Variants in ESYT2 observed in about 807,000 individuals in gnomAD.
ESYT2 encodes the protein extended synaptotagmin-2.
In ESYT2, 54 loss-of-function variants were observed where a neutral mutation model predicts 107.2. The observed-to-expected ratio is 0.50, with a 90% CI of 0.40 to 0.63. The LOEUF (loss-of-function observed/expected upper bound fraction) is 0.63. Ranked by LOEUF, ESYT2 falls within the 30% of genes least tolerant of loss-of-function variation. The probability of loss-of-function intolerance (pLI) is 0.00; values close to 1 mark genes in which losing one functional copy is unlikely to be tolerated. For missense variants in ESYT2, 1,020 were observed against 1,094.5 expected (o/e 0.93, Z 0.96); for synonymous variants, 491 against 434.1 (o/e 1.13, Z -1.63).
chr7:158,746,495 G>T (rs1015431058), intron 16 of ESYT2, among the ~76,000 whole-genome samples: 1 of 148,546 alleles, frequency 6.7e-6, no homozygotes, highest in African/African-American at 2.5e-5. Flanking sequence ...GAGTGACAAA[G>T]TGAGACCCTG....
At chr7:158,736,837 G>A (rs548611712) in intron 20 of ESYT2, among the ~76,000 whole-genome samples, 1 of 152,280 alleles carries the variant, frequency 6.6e-6, no homozygotes, top group South Asian at 2.1e-4. Flanking sequence ...TGTCCACAGG[G>A]TTGTAACTTG....
At chr7:158,814,230 C>T (rs1369072155) in intron 1 of ESYT2, among the ~76,000 whole-genome samples, 2 of 149,144 alleles carry the variant, frequency 1.3e-5, no homozygotes, top group East Asian at 2.0e-4. Flanking sequence ...GCCAAGATCG[C>T]GCCACTGCAC....
chr7:158,829,079 C>G lies in ESYT2; in HGVS notation c.330+10G>C. The G allele has an allele frequency of 6.3e-7, 1 of 1,583,734 alleles. No homozygotes were observed. Among genetic ancestry groups the G allele is most frequent in the South Asian group, 1.1e-5 (1 of 89,760 alleles). On this transcript the variant is annotated intron_variant, in intron 1 of 22. Coordinates refer to ENST00000275418, the MANE Select transcript of ESYT2 (RefSeq NM_001367773.1). ...GTCAGGGGTCGGGACGGGCAGGGGT[C>G]TGCACTCACCCAGGCGGGCAGGTCG...
intron 1 of ESYT2, among the ~76,000 whole-genome samples, chr7:158,817,631 T>C (rs1419493045): frequency 9.5e-6 from 1 of 105,196 alleles, no homozygotes; most frequent in African/African-American, 3.1e-5. Flanking sequence ...ATGTATTGAT[T>C]GGTGTCTTAT....
chr7:158,753,492 C>A (rs1040990156), intron 13 of ESYT2, among the ~76,000 whole-genome samples: 1 of 151,970 alleles, frequency 6.6e-6, no homozygotes, highest in Non-Finnish European at 1.5e-5. Context: ...AAAGGCAAGA[C>A]TGAGTTGTTT....
At chr7:158,804,702 G>GT (rs1166020316) in intron 1 of ESYT2, among the ~76,000 whole-genome samples, 1 of 151,510 alleles carries the variant, frequency 6.6e-6, no homozygotes, top group Non-Finnish European at 1.5e-5. Flanking sequence ...GGTGAGGCGC[G>GT]TGACAAACCC....
At chr7:158,815,076 T>G (rs779482188) in intron 1 of ESYT2, among the ~76,000 whole-genome samples, 1 of 152,198 alleles carries the variant, frequency 6.6e-6, no homozygotes, top group Non-Finnish European at 1.5e-5. Flanking sequence ...GAGGTTTAAA[T>G]GACTTCCATG....
chr7:158,821,514 AC>A (rs1840284825), intron 1 of ESYT2, among the ~76,000 whole-genome samples: 2 of 152,136 alleles, frequency 1.3e-5, no homozygotes, highest in South Asian at 4.1e-4. Context: ...CACTACTTTC[AC>A]CCCCATCATG....
chr7:158,799,263 C>G (rs542864665), intron 1 of ESYT2, among the ~76,000 whole-genome samples, 191 bp from the exon 2 acceptor site: 11 of 152,284 alleles, frequency 7.2e-5, no homozygotes, highest in African/African-American at 2.6e-4. Flanking sequence ...CAGCTCTTTA[C>G]GTTCTGAGAA....
intron 16 of ESYT2, among the ~76,000 whole-genome samples, chr7:158,745,444 C>T (rs987972296): frequency 2.0e-5 from 3 of 150,244 alleles, no homozygotes; most frequent in Non-Finnish European, 4.4e-5. Context: ...TATAAGTAGT[C>T]TGAGAACTAG....
intron 1 of ESYT2, among the ~76,000 whole-genome samples, chr7:158,802,794 G>A (rs1839683592): frequency 6.6e-6 from 1 of 152,188 alleles, no homozygotes; most frequent in Non-Finnish European, 1.5e-5. Flanking sequence ...CTGAGGCATT[G>A]CTGATTTAAT....
intron 6 of ESYT2, among the ~76,000 whole-genome samples, chr7:158,782,582 G>A: frequency 1.1e-5 from 1 of 88,300 alleles, no homozygotes; most frequent in South Asian, 3.6e-4. Context: ...TGAGAACAAA[G>A]AATGAGTGTG....
Position 158,743,553 on chromosome 7 carries a change from G to C in ESYT2, c.1770C>G (p.Thr590=). The C allele has an allele frequency of 1.2e-6, 2 of 1,612,274 alleles. No individual in the cohort carries two copies. The highest frequency in any genetic ancestry group is 1.7e-6 in the Non-Finnish European group (2 of 1,179,438). ...CCCGCAGGGCAATCTTCATCTTGAT[G>C]GTGCTGTTTGGACCCGAGTTACTGA... ...FQLSNSGPNS[T]IKMKIALRVL... The change falls in exon 17 of 23, where the codon ACC becomes ACG. Residue 590 remains threonine, a synonymous_variant. Coordinates refer to ENST00000275418, the MANE Select transcript of ESYT2 (RefSeq NM_001367773.1).
At chr7:158,765,534 G>C (rs1293335316) in intron 8 of ESYT2, among the ~76,000 whole-genome samples, 1 of 152,034 alleles carries the variant, frequency 6.6e-6, no homozygotes, top group Non-Finnish European at 1.5e-5. Context: ...AGGAGTTCAA[G>C]ACCAGCCTGG....
intron 6 of ESYT2, among the ~76,000 whole-genome samples, chr7:158,786,119 CCTT>C (rs1563019527): frequency 6.6e-6 from 1 of 150,944 alleles, no homozygotes; most frequent in African/African-American, 2.4e-5. Flanking sequence ...TCAGCCCCAT[CCTT>C]CTTTTCTGAG....
chr7:158,784,635 A>T (rs1353131602), intron 6 of ESYT2, among the ~76,000 whole-genome samples: 3 of 152,234 alleles, frequency 2.0e-5, no homozygotes, highest in Non-Finnish European at 4.4e-5. Flanking sequence ...CCTGAGACTC[A>T]ACTGCAGTCC....
rs751230231 is a variant in ESYT2, at chr7:158,759,541, T to C, written c.1364A>G (p.Asp455Gly). Residue 455 changes from aspartate (D) to glycine (G), a missense_variant, in exon 13 of 23, where the codon GAT becomes GGT. Coordinates refer to ENST00000275418, the MANE Select transcript of ESYT2 (RefSeq NM_001367773.1). ...DIKADKDQAN[D>G]GLSSALLILY... is the part of the protein sequence containing the mutation. ...GATCAGCAATGCAGAGGAAAGACCA[T>C]CGTTGGCTTGGTCTTTGTCAGCTTT... 51 of 1,612,640 alleles carry C rather than the reference T, an allele frequency of 3.2e-5. No homozygotes were observed. The highest frequency in any genetic ancestry group is 4.1e-5 in the Non-Finnish European group (48 of 1,178,850).
intron 19 of ESYT2, among the ~76,000 whole-genome samples, chr7:158,737,694 T>C (rs192876335): frequency 7.2e-4 from 110 of 152,350 alleles, no homozygotes; most frequent in African/African-American, 2.6e-3. Context: ...ACGATCATTA[T>C]CTAAGTGGCA....
At chr7:158,738,760 T>C (rs1837078147) in intron 19 of ESYT2, among the ~76,000 whole-genome samples, 1 of 152,216 alleles carries the variant, frequency 6.6e-6, no homozygotes, top group South Asian at 2.1e-4. Context: ...GCCATATTTG[T>C]GTATTTAAAC....
Sources: allele counts gnomAD v4.1 joint callset (sites outside exome capture counted in the v4.1 genomes callset), GRCh38; gene constraint gnomAD v4.1.1; transcripts MANE v1.5; gene names NCBI Gene and HGNC (gene_info 2026-07-23, HGNC 2026-07-21).